Variants in B3GALT1 observed in about 807,000 individuals in gnomAD.
The protein encoded by B3GALT1 is UDP-Gal:betaGlcNAc beta 1,3-galactosyltransferase, polypeptide 1.
In B3GALT1, 10 loss-of-function variants were observed where a neutral mutation model predicts 23.2. The ratio of observed to expected loss-of-function variants is 0.43; its 90% CI spans 0.27 to 0.73. B3GALT1 has a LOEUF of 0.73. B3GALT1 is among the 30% of genes least tolerant of loss of function. The pLI is 0.21. For missense variants in B3GALT1, 299 were observed against 405.4 expected, an observed-to-expected ratio of 0.74 and a Z score of 2.25; for synonymous variants, 156 against 141.5, an observed-to-expected ratio of 1.10 and a Z score of -0.73.
intron 1 of B3GALT1, among the ~76,000 whole-genome samples, chr2:167,362,619 C>T (rs778508800): frequency 5.3e-5 from 8 of 152,054 alleles, no homozygotes; most frequent in Non-Finnish European, 8.8e-5. Context: ...CTGTAGTCCA[C>T]CTTTTTCCTT....
chr2:167,493,535 G>A (rs1699738681), intron 2 of B3GALT1, among the ~76,000 whole-genome samples: 3 of 152,174 alleles, frequency 2.0e-5, no homozygotes, highest in Admixed American at 2.0e-4. Flanking sequence ...ACAGGGTATG[G>A]ATCTGGTTAA....
At chr2:167,367,369 A>C (rs1209150438) in intron 1 of B3GALT1, among the ~76,000 whole-genome samples, 1 of 152,204 alleles carries the variant, frequency 6.6e-6, no homozygotes, top group Non-Finnish European at 1.5e-5. Flanking sequence ...GATGTGATGG[A>C]CTACCCATTG....
chr2:167,699,380 A>ATTT (rs1169813738), intron 3 of B3GALT1, among the ~76,000 whole-genome samples: 21,705 of 99,336 alleles, frequency 0.22, 2,607 homozygotes, highest in Non-Finnish European at 0.26. Context: ...CATTATTTCT[A>ATTT]TTTTTTTTTT....
At chr2:167,827,030 A>T (rs1028548818) in intron 4 of B3GALT1, among the ~76,000 whole-genome samples, 4 of 152,304 alleles carry the variant, frequency 2.6e-5, no homozygotes, top group Admixed American at 6.5e-5. Flanking sequence ...GTACTCTACC[A>T]AATGTCCTCG....
chr2:167,814,992 A>G (rs1431435253), intron 3 of B3GALT1: 2 of 152,216 alleles, frequency 1.3e-5, no homozygotes. Flanking sequence ...AGAAGTGCGC[A>G]CCACCAGCTC....
At chr2:167,745,018 G>A (rs1687631910) in intron 3 of B3GALT1, among the ~76,000 whole-genome samples, 1 of 151,794 alleles carries the variant, frequency 6.6e-6, no homozygotes, top group South Asian at 2.1e-4. Context: ...GGACTTATTT[G>A]TGTAATTTTG....
intron 1 of B3GALT1, among the ~76,000 whole-genome samples, chr2:167,432,288 A>T (rs1041535837): frequency 6.6e-6 from 1 of 152,176 alleles, no homozygotes; most frequent in Non-Finnish European, 1.5e-5. Context: ...ATGGCTGTTG[A>T]TCTGTAATAG....
At chr2:167,305,821 A>T (rs1282078251) in intron 1 of B3GALT1, among the ~76,000 whole-genome samples, 1 of 152,104 alleles carries the variant, frequency 6.6e-6, no homozygotes, top group African/African-American at 2.4e-5. Context: ...ATTGTTCCTT[A>T]ATTTCAGATT....
At chr2:167,828,639 GCT>G (rs1169166666) in intron 4 of B3GALT1, among the ~76,000 whole-genome samples, 9 of 152,282 alleles carry the variant, frequency 5.9e-5, no homozygotes, top group African/African-American at 2.2e-4. Context: ...ACCTGAATGT[GCT>G]CTCTTTTTAA....
intron 3 of B3GALT1, among the ~76,000 whole-genome samples, chr2:167,762,181 A>G (rs79647520): frequency 1.3e-5 from 2 of 152,318 alleles, no homozygotes; most frequent in East Asian, 3.9e-4. Flanking sequence ...TTTTGGCTTC[A>G]TAGTGGTTTG....
At chr2:167,512,606 A>ACGTGTGTGTATATATATATATG in intron 2 of B3GALT1, among the ~76,000 whole-genome samples, 1 of 95,294 alleles carries the variant, frequency 1.0e-5, no homozygotes, top group African/African-American at 7.2e-5. Flanking sequence ...ATATATATAT[A>ACGTGTGTGTATATATATATATG]TGTATATATA....
intron 1 of B3GALT1, among the ~76,000 whole-genome samples, chr2:167,358,704 A>G (rs573959976): frequency 8.0e-4 from 122 of 152,316 alleles, no homozygotes; most frequent in Middle Eastern, 3.4e-3. Flanking sequence ...TTAACACTGT[A>G]CAATGTAATG....
chr2:167,431,093 A>G (rs1035425302), intron 1 of B3GALT1, among the ~76,000 whole-genome samples: 1 of 152,212 alleles, frequency 6.6e-6, no homozygotes, highest in African/African-American at 2.4e-5. Context: ...ATGTACTTTG[A>G]TAGCCAATTG....
intron 1 of B3GALT1, among the ~76,000 whole-genome samples, chr2:167,355,724 TTG>T (rs1017514158): frequency 5.9e-5 from 9 of 152,288 alleles, no homozygotes; most frequent in Admixed American, 4.6e-4. Flanking sequence ...AAAAAATCCA[TTG>T]TGTTTTTTTT....
chr2:167,390,792 CTGAATGAA>C (rs142085694), intron 1 of B3GALT1, among the ~76,000 whole-genome samples: 160 of 151,256 alleles, frequency 1.1e-3, no homozygotes, highest in African/African-American at 3.5e-3. Context: ...TAGTAAATAT[CTGAATGAA>C]TGAATGAATG....
At chr2:167,506,100 C>T (rs1699913438) in intron 2 of B3GALT1, among the ~76,000 whole-genome samples, 1 of 152,048 alleles carries the variant, frequency 6.6e-6, no homozygotes, top group Non-Finnish European at 1.5e-5. Flanking sequence ...ATTCATGGTT[C>T]AAGCAACACA....
At chr2:167,447,100 GGTCTGTTGGA>G (rs1699011414) in intron 1 of B3GALT1, among the ~76,000 whole-genome samples, 1 of 152,222 alleles carries the variant, frequency 6.6e-6, no homozygotes, top group Non-Finnish European at 1.5e-5. Context: ...ATCAGCTACA[GGTCTGTTGGA>G]GTTTGCTGGA....
chr2:167,400,127 T>G (rs1698162973), intron 1 of B3GALT1, among the ~76,000 whole-genome samples: 1 of 151,804 alleles, frequency 6.6e-6, no homozygotes, highest in Non-Finnish European at 1.5e-5. Context: ...TGTAAGATTT[T>G]CTCTTTCTTC....
At chr2:167,616,011 T>G (rs953024683) in intron 2 of B3GALT1, among the ~76,000 whole-genome samples, 2 of 152,002 alleles carry the variant, frequency 1.3e-5, no homozygotes, top group Non-Finnish European at 2.9e-5. Context: ...TTATGAGTTA[T>G]TCATGGTCAG....
Sources: allele counts gnomAD v4.1 joint callset (sites outside exome capture counted in the v4.1 genomes callset), GRCh38; gene constraint gnomAD v4.1.1; transcripts MANE v1.5; gene names NCBI Gene and HGNC (gene_info 2026-07-23, HGNC 2026-07-21).